VPS13D: variants seen among roughly 807,000 people sequenced by gnomAD.
VPS13D encodes intermembrane lipid transfer protein VPS13D.
VPS13D carries 187 observed loss-of-function variants against 461.9 expected under a neutral mutation model. The ratio of observed to expected loss-of-function variants is 0.40; its 90% CI spans 0.36 to 0.46. The LOEUF (loss-of-function observed/expected upper bound fraction) is 0.46. Ranked by LOEUF, VPS13D falls within the 20% of genes least tolerant of loss-of-function variation. The pLI, the probability that VPS13D is intolerant of heterozygous loss-of-function variation, is 0.60. For missense variants in VPS13D, 4,711 were observed against 5,364.9 expected (o/e 0.88, Z 3.81); for synonymous variants, 1,951 against 1,986.3 (o/e 0.98, Z 0.47).
intron 65 of VPS13D, among the ~76,000 whole-genome samples, chr1:12,433,263 A>AC (rs373693014): frequency 0.013 from 1,993 of 150,774 alleles, 46 homozygotes; most frequent in African/African-American, 0.045. Context: ...TTGGGGAAAA[A>AC]AAAAAAACAA....
At chr1:12,499,776 T>C (rs1027890877) in intron 68 of VPS13D, 3 of 985,228 alleles carry the variant, frequency 3.0e-6, no homozygotes, top group Middle Eastern at 5.2e-4. Flanking sequence ...CATCAGGGAG[T>C]GTGTCGCATG....
chr1:12,250,521 G>T (rs1452047673), intron 6 of VPS13D, among the ~76,000 whole-genome samples: 1 of 152,150 alleles, frequency 6.6e-6, no homozygotes, highest in African/African-American at 2.4e-5. Context: ...TATTCCATCT[G>T]CCCATTTTGT....
At chr1:12,391,017 T>C (rs1019605440) in intron 60 of VPS13D, among the ~76,000 whole-genome samples, 2 of 152,148 alleles carry the variant, frequency 1.3e-5, no homozygotes, top group African/African-American at 4.8e-5. Flanking sequence ...CTCAGAGAGG[T>C]CCATCCACAT....
intron 39 of VPS13D, chr1:12,337,510 G>T (rs984610186): frequency 3.3e-5 from 5 of 152,188 alleles, no homozygotes; most frequent in African/African-American, 1.2e-4. Context: ...TAAGGGACCT[G>T]CTGCTTTCTC....
chr1:12,268,650 A>G lies in VPS13D; in HGVS notation c.1802-56A>G. On this transcript the variant is annotated intron_variant, in intron 15 of 69. Transcript: ENST00000620676. ...TTCCAGAATCCCTCACAGGTCTGTT[A>G]ATAAGGCTATAGTTTTTGCCTTGTT... The G allele has an allele frequency of 1.9e-6, 3 of 1,553,700 alleles. No homozygotes were observed. In the Admixed American group the frequency reaches 6.2e-5, roughly 32 times the overall value.
Position 12,311,580 on chromosome 1 carries a change from A to G in VPS13D, c.6777A>G (p.Ile2259Met). 6.2e-7 allele frequency: 1 copy of G among 1,614,226 alleles called. No homozygotes were observed. Among genetic ancestry groups the G allele is most frequent in the Non-Finnish European group, 8.5e-7 (1 of 1,180,026 alleles). The change falls in exon 28 of 70, where the codon ATA becomes ATG. Residue 2259 changes from isoleucine to methionine, a missense_variant. Coordinates refer to ENST00000620676, the MANE Select transcript of VPS13D (RefSeq NM_015378.4). ...GLLENNLGEP[I>M]EEFMRPYDLQ... Reference sequence around the variant, plus strand: ...TAGAGAACAACCTGGGAGAACCCATAGAGGAATTTATGCGGCCTTATGATT... The same window carrying G: ...TAGAGAACAACCTGGGAGAACCCATGGAGGAATTTATGCGGCCTTATGATT...
chr1:12,459,354 T>C (rs1238138247), intron 66 of VPS13D, among the ~76,000 whole-genome samples: 5 of 152,176 alleles, frequency 3.3e-5, no homozygotes, highest in African/African-American at 1.2e-4. Flanking sequence ...TACAGCACAT[T>C]ATGTAAGGGA....
At chr1:12,455,382 T>C (rs1444669788) in intron 65 of VPS13D, among the ~76,000 whole-genome samples, 1 of 152,252 alleles carries the variant, frequency 6.6e-6, no homozygotes, top group African/African-American at 2.4e-5. Flanking sequence ...CTTACCATGA[T>C]ACAGTCCTGA....
chr1:12,509,445 A>G lies in VPS13D; in HGVS notation c.*421A>G, dbSNP rs1646156122. On this transcript the variant is annotated 3_prime_UTR_variant, in exon 70 of 70. Transcript: ENST00000620676. ...TTATATTGGATCTTCTATTGCACTA[A>G]TTCTAGATGTCTAATTCAGGATACT... 6.5e-6 allele frequency: 1 copy of G among 154,340 alleles called. No individual in the cohort carries two copies. The highest frequency in any genetic ancestry group is 2.4e-5 in the African/African-American group (1 of 41,512). 9.6% of individuals were successfully genotyped at this position (154,340 alleles called of 1,614,324 possible). A position where few individuals can be genotyped will look rare whatever the true frequency, so the allele number is the denominator to read the frequency against.
chr1:12,328,392 G>A (rs963409930), intron 36 of VPS13D, among the ~76,000 whole-genome samples: 3 of 149,544 alleles, frequency 2.0e-5, no homozygotes, highest in Non-Finnish European at 4.4e-5. Flanking sequence ...CAAAGGTGAG[G>A]TCTTGTTTTG....
At chr1:12,358,263 G>A (rs1643904426) in intron 49 of VPS13D, among the ~76,000 whole-genome samples, 196 bp from the exon 50 acceptor site, 1 of 152,154 alleles carries the variant, frequency 6.6e-6, no homozygotes, top group Non-Finnish European at 1.5e-5. Flanking sequence ...CTGTTGTACT[G>A]TGGCTGCCTC....
chr1:12,410,419 T>G (rs1644708974), intron 63 of VPS13D, among the ~76,000 whole-genome samples: 1 of 152,212 alleles, frequency 6.6e-6, no homozygotes, highest in Non-Finnish European at 1.5e-5. Flanking sequence ...TTAGGCATTA[T>G]GCTTCTTACT....
At chr1:12,405,395 C>T (rs192628487) in intron 63 of VPS13D, among the ~76,000 whole-genome samples, 5 of 152,202 alleles carry the variant, frequency 3.3e-5, no homozygotes, top group African/African-American at 1.2e-4. Flanking sequence ...TCTGCCAACT[C>T]ACAGCTTCTA....
intron 6 of VPS13D, 126 bp downstream of exon 6, chr1:12,249,465 A>G (rs1299718124): frequency 9.0e-6 from 6 of 668,882 alleles, no homozygotes; most frequent in Non-Finnish European, 1.2e-5. Context: ...TGTGATAGGC[A>G]TGGGTGTCTC....
intron 5 of VPS13D, among the ~76,000 whole-genome samples, chr1:12,246,149 A>C (rs998545994): frequency 1.3e-5 from 2 of 152,162 alleles, no homozygotes; most frequent in Non-Finnish European, 2.9e-5. Context: ...TACTCAAGTG[A>C]AAAATTACAA....
At chr1:12,290,691 C>T (rs1482423086) in intron 22 of VPS13D, among the ~76,000 whole-genome samples, 1 of 150,956 alleles carries the variant, frequency 6.6e-6, no homozygotes, top group Non-Finnish European at 1.5e-5. Context: ...CCACTGTACT[C>T]CAGCCTGGGC....
At chr1:12,326,386 T>G (rs2101541767) in intron 35 of VPS13D, among the ~76,000 whole-genome samples, 1 of 149,394 alleles carries the variant, frequency 6.7e-6, no homozygotes, top group East Asian at 2.0e-4. Flanking sequence ...GGCTGGAGTG[T>G]AGTGGTGGCA....
intron 36 of VPS13D, 53 bp downstream of exon 36, chr1:12,327,907 G>T: frequency 1.3e-6 from 2 of 1,538,656 alleles, no homozygotes; most frequent in Non-Finnish European, 1.8e-6. Flanking sequence ...AGTCATTGCT[G>T]AATTATTTGG....
chr1:12,419,109 G>T (rs1042860987), intron 65 of VPS13D, among the ~76,000 whole-genome samples: 1 of 152,164 alleles, frequency 6.6e-6, no homozygotes, highest in Non-Finnish European at 1.5e-5. Flanking sequence ...GAAAGAAAGG[G>T]CAGTGTCCTC....
Sources: gnomAD v4.1 joint callset for allele counts (sites outside exome capture counted in the v4.1 genomes callset) on GRCh38, gnomAD v4.1.1 for gene constraint, MANE v1.5 for transcripts, NCBI Gene and HGNC (gene_info 2026-07-23, HGNC 2026-07-21) for gene names.